ZBTB40: variants seen among roughly 807,000 people sequenced by gnomAD.
ZBTB40 encodes zinc finger and BTB domain containing 40.
ZBTB40 carries 60 observed loss-of-function variants against 117.5 expected under a neutral mutation model. That is an observed-to-expected ratio of 0.51 (90% CI 0.41 to 0.63). ZBTB40 has a LOEUF of 0.63. ZBTB40 is among the 30% of genes least tolerant of loss of function. ZBTB40 has a pLI of 0.00. For missense variants in ZBTB40, 1,287 were observed against 1,498.5 expected, an observed-to-expected ratio of 0.86 and a Z score of 2.33; for synonymous variants, 525 against 577.1, an observed-to-expected ratio of 0.91 and a Z score of 1.29.
intron 13 of ZBTB40, among the ~76,000 whole-genome samples, chr1:22,518,014 C>T (rs1474141046): frequency 2.0e-5 from 3 of 152,334 alleles, no homozygotes; most frequent in Non-Finnish European, 2.9e-5. Context: ...CACTTTTATT[C>T]GGCATGCGTG....
chr1:22,498,769 T>C (rs1408154982), intron 3 of ZBTB40, among the ~76,000 whole-genome samples: 3 of 129,062 alleles, frequency 2.3e-5, no homozygotes, highest in African/African-American at 9.8e-5. Flanking sequence ...ATTTGGGATA[T>C]TCGGAGAGTT....
intron 1 of ZBTB40, among the ~76,000 whole-genome samples, chr1:22,471,583 C>T (rs1462870067): frequency 6.6e-6 from 1 of 152,210 alleles, no homozygotes; most frequent in African/African-American, 2.4e-5. Flanking sequence ...GTGCTTAGCA[C>T]AATGCCAGAC....
chr1:22,461,582 A>C (rs778688318), intron 1 of ZBTB40, among the ~76,000 whole-genome samples: 1 of 152,188 alleles, frequency 6.6e-6, no homozygotes, highest in African/African-American at 2.4e-5. Flanking sequence ...GAAAAAGCTT[A>C]TAACACTAGG....
rs148547389 is a variant in ZBTB40 at position 22,523,804 on chromosome 1, A to G, written c.3299-414A>G. On this transcript the variant is annotated intron_variant, in intron 16 of 17. Transcript: ENST00000375647. ...TGTTGGTGTGCGCATTGACGATTGC[A>G]CCTGACTGCCTTAGCCCACAGAAGT... Among the ~76,000 whole-genome samples, 500 of 152,316 alleles carry G rather than the reference A, an allele frequency of 3.3e-3. 1 individual carries two copies. Among genetic ancestry groups the G allele is most frequent in the Non-Finnish European group, 4.5e-3 (306 of 68,030 alleles).
chr1:22,476,961 A>G (rs556258547), intron 1 of ZBTB40, among the ~76,000 whole-genome samples: 1 of 152,298 alleles, frequency 6.6e-6, no homozygotes, highest in East Asian at 1.9e-4. Flanking sequence ...ACCACATGAC[A>G]TCTAGTGCTA....
chr1:22,519,739 AG>A (rs1345777585), intron 13 of ZBTB40: 1 of 381,458 alleles, frequency 2.6e-6, no homozygotes, highest in Non-Finnish European at 5.0e-6. Context: ...CGGACGAGCC[AG>A]GGTGAAACTC....
chr1:22,510,028 C>T (rs1033096303), intron 9 of ZBTB40, among the ~76,000 whole-genome samples: 2 of 152,132 alleles, frequency 1.3e-5, no homozygotes, highest in Non-Finnish European at 2.9e-5. Flanking sequence ...AAGCTTTTGC[C>T]CATATTGGGT....
intron 15 of ZBTB40, 48 bp from the exon 16 acceptor site, chr1:22,522,329 C>A: frequency 6.3e-7 from 1 of 1,593,960 alleles, no homozygotes; most frequent in Non-Finnish European, 8.6e-7. Flanking sequence ...CCTTGGAGAG[C>A]CAACCATTTG....
intron 8 of ZBTB40, 97 bp downstream of exon 8, chr1:22,508,828 A>AC (rs1239700452): frequency 7.7e-7 from 1 of 1,291,352 alleles, no homozygotes; most frequent in Non-Finnish European, 1.1e-6. Flanking sequence ...GTAGTCACCT[A>AC]CATCCCTACT....
intron 5 of ZBTB40, among the ~76,000 whole-genome samples, chr1:22,505,459 A>G (rs911356446): frequency 2.6e-5 from 4 of 152,204 alleles, no homozygotes; most frequent in Non-Finnish European, 5.9e-5. Flanking sequence ...GTGGCTGTTG[A>G]GAATCAGAGG....
chr1:22,460,252 A>G (rs1292558406), intron 1 of ZBTB40, among the ~76,000 whole-genome samples: 1 of 152,182 alleles, frequency 6.6e-6, no homozygotes, highest in Non-Finnish European at 1.5e-5. Context: ...AGAGCCCGTT[A>G]GACTCTATTT....
At chr1:22,521,455 T>C in intron 14 of ZBTB40, 41 bp from the exon 15 acceptor site, 1 of 1,614,108 alleles carries the variant, frequency 6.2e-7, no homozygotes, top group East Asian at 2.2e-5. Flanking sequence ...TCCAGCTTGC[T>C]GGAACTTTCT....
chr1:22,508,762 C>T (rs1384649041), intron 8 of ZBTB40, 31 bp downstream of exon 8: 15 of 1,603,826 alleles, frequency 9.4e-6, no homozygotes, highest in Non-Finnish European at 1.1e-5. Context: ...GGGGGTTTTG[C>T]CCCCACTAGA....
chr1:22,444,463 CT>C (rs1029312242), intron 1 of ZBTB40, among the ~76,000 whole-genome samples: 6 of 152,044 alleles, frequency 3.9e-5, no homozygotes, highest in African/African-American at 1.4e-4. Context: ...GAAAGGCAGT[CT>C]CCCAATAGAT....
At chr1:22,500,964 T>A (rs1638919990) in intron 3 of ZBTB40, among the ~76,000 whole-genome samples, 1 of 152,202 alleles carries the variant, frequency 6.6e-6, no homozygotes, top group South Asian at 2.1e-4. Flanking sequence ...TGACAGTTCA[T>A]TAAATTTAAA....
At position 22,521,484 on chromosome 1, in the gene ZBTB40, A is replaced by G. The variant is rs912203965; in HGVS notation, c.3049-12A>G. On this transcript the variant is annotated splice_polypyrimidine_tract_variant and intron_variant, in intron 14 of 17. Coordinates refer to ENST00000375647, the MANE Select transcript of ZBTB40 (RefSeq NM_014870.4). ...ACTTTCTAAGACCTAACACTTGCCAAATTCCTTGCAGCAATTGTCTGGTTT... is the reference window on the plus strand; with the variant it reads ...ACTTTCTAAGACCTAACACTTGCCAGATTCCTTGCAGCAATTGTCTGGTTT... 15 of 1,614,182 alleles carry G rather than the reference A, an allele frequency of 9.3e-6. No homozygotes were observed. The highest frequency in any genetic ancestry group is 2.2e-5 in the East Asian group (1 of 44,870).
intron 1 of ZBTB40, among the ~76,000 whole-genome samples, chr1:22,467,063 T>G (rs1184042167): frequency 6.6e-6 from 1 of 151,912 alleles, no homozygotes; most frequent in Admixed American, 6.6e-5. Flanking sequence ...GTCTGCAGGG[T>G]TTTTTTTAAC....
At chr1:22,509,283 C>T (rs534693418) in intron 9 of ZBTB40, 50 bp downstream of exon 9, 4 of 1,612,596 alleles carry the variant, frequency 2.5e-6, no homozygotes, top group Non-Finnish European at 3.4e-6. Context: ...CAGTTGTTGC[C>T]TGGGACTGTC....
At chr1:22,509,316 ATAGT>A (rs2124454810) in intron 9 of ZBTB40, 83 bp downstream of exon 9, 3 of 1,586,916 alleles carry the variant, frequency 1.9e-6, no homozygotes, top group East Asian at 4.5e-5. Flanking sequence ...AGAGGAACCA[ATAGT>A]TGGTTGGGTT....
Sources: allele counts gnomAD v4.1 joint callset (sites outside exome capture counted in the v4.1 genomes callset), GRCh38; gene constraint gnomAD v4.1.1; transcripts MANE v1.5; gene names NCBI Gene and HGNC (gene_info 2026-07-23, HGNC 2026-07-21).